Variants in ACSBG2 observed in about 807,000 individuals in gnomAD.
The protein encoded by ACSBG2 is long-chain-fatty-acid--CoA ligase ACSBG2.
A neutral mutation model predicts 74.7 loss-of-function variants in ACSBG2; 62 were observed. That is an observed-to-expected ratio of 0.83 (90% CI 0.68 to 1.03). The LOEUF (loss-of-function observed/expected upper bound fraction) is 1.03. Ranked by LOEUF, ACSBG2 falls within the 50% of genes least tolerant of loss-of-function variation. The pLI is 0.00. For missense variants in ACSBG2, 730 were observed against 817.6 expected, an observed-to-expected ratio of 0.89 and a Z score of 1.31; for synonymous variants, 309 against 294.1, an observed-to-expected ratio of 1.05 and a Z score of -0.52.
At chr19:6,161,030 G>A (rs1284049472) in intron 5 of ACSBG2, among the ~76,000 whole-genome samples, 185 bp from the exon 6 acceptor site, 1 of 151,996 alleles carries the variant, frequency 6.6e-6, no homozygotes, top group Non-Finnish European at 1.5e-5. Flanking sequence ...AACCCGGGAG[G>A]CGGAGGTTGC....
chr19:6,177,300 C>T lies in ACSBG2; in HGVS notation c.810C>T (p.Tyr270=). The T allele has an allele frequency of 6.2e-7, 1 of 1,613,984 alleles. No individual in the cohort carries two copies. The highest frequency in any genetic ancestry group is 8.5e-7 in the Non-Finnish European group (1 of 1,180,008). ...LTDKHETVVS[Y]LPLSHIAAQM... ...ACAAGCATGAGACGGTGGTTAGCTA[C>T]CTCCCACTCAGCCATATTGCAGCAC... is the stretch of plus-strand genomic sequence containing the variant. Residue 270 remains tyrosine, a synonymous_variant, in exon 8 of 15, where the codon TAC becomes TAT. Coordinates refer to ENST00000588485, the MANE Select transcript of ACSBG2 (RefSeq NM_030924.5).
At chr19:6,141,477 C>A in intron 1 of ACSBG2, 36 bp from the exon 2 acceptor site, 1 of 1,076,712 alleles carries the variant, frequency 9.3e-7, no homozygotes, top group Non-Finnish European at 1.4e-6. Context: ...GCCCCTTTGC[C>A]AATCCTGTTA....
At chr19:6,141,766 C>A (rs940228741) in intron 2 of ACSBG2, among the ~76,000 whole-genome samples, 156 bp downstream of exon 2, 1 of 151,004 alleles carries the variant, frequency 6.6e-6, no homozygotes, top group Admixed American at 6.6e-5. Context: ...CAGGGTCTTG[C>A]TCTGTCACCC....
intron 8 of ACSBG2, 84 bp downstream of exon 8, chr19:6,177,480 AT>A: frequency 2.8e-6 from 4 of 1,428,700 alleles, no homozygotes; most frequent in African/African-American, 1.5e-5. Flanking sequence ...CATTCGACAG[AT>A]TTTTTGGGTG....
chr19:6,177,220 AT>A lies in ACSBG2; in HGVS notation c.739-8del. 1 of 1,614,020 alleles carries A rather than the reference AT, an allele frequency of 6.2e-7. No homozygotes were observed. The highest frequency in any genetic ancestry group is 8.5e-7 in the Non-Finnish European group (1 of 1,179,990). On this transcript the variant is annotated splice_region_variant and splice_polypyrimidine_tract_variant and intron_variant, in intron 7 of 14. Coordinates refer to ENST00000588485, the MANE Select transcript of ACSBG2 (RefSeq NM_030924.5). ...GGTGAGGCACCTTGGATTGTCCCTTATGTTACAGATCACGTGGATTGCAGGA... is the reference window on the plus strand; with the variant it reads ...GGTGAGGCACCTTGGATTGTCCCTTAGTTACAGATCACGTGGATTGCAGGA...
chr19:6,144,852 C>T (rs1203317849), intron 2 of ACSBG2, among the ~76,000 whole-genome samples: 3 of 151,988 alleles, frequency 2.0e-5, no homozygotes, highest in South Asian at 2.1e-4. Context: ...CCTCCAACCA[C>T]GCCTGACTAA....
intron 13 of ACSBG2, among the ~76,000 whole-genome samples, 180 bp downstream of exon 13, chr19:6,188,025 C>T (rs1402852238): frequency 2.0e-5 from 3 of 152,144 alleles, no homozygotes; most frequent in Non-Finnish European, 4.4e-5. Context: ...AAATAAAATC[C>T]AACCTCCTTA....
intron 7 of ACSBG2, among the ~76,000 whole-genome samples, chr19:6,176,884 T>G (rs2090102199): frequency 6.6e-6 from 1 of 152,136 alleles, no homozygotes; most frequent in Non-Finnish European, 1.5e-5. Context: ...AGGCTGGGCA[T>G]GGTCGCTCAC....
chr19:6,145,886 T>C (rs993728783), intron 2 of ACSBG2, among the ~76,000 whole-genome samples: 2 of 152,120 alleles, frequency 1.3e-5, no homozygotes, highest in African/African-American at 4.8e-5. Flanking sequence ...GTGTCTGGCA[T>C]TGGGGGAGAG....
intron 5 of ACSBG2, among the ~76,000 whole-genome samples, chr19:6,159,989 G>T (rs966785239): frequency 6.6e-6 from 1 of 152,134 alleles, no homozygotes; most frequent in Non-Finnish European, 1.5e-5. Context: ...TGCCAGAGGC[G>T]TGGTTATGAT....
intron 1 of ACSBG2, chr19:6,137,203 C>T (rs1490274485): frequency 0.022 from 7 of 316 alleles, no homozygotes; most frequent in Non-Finnish European, 0.071. Flanking sequence ...GCCGAGGTGG[C>T]GGGGTTGGGG....
intron 2 of ACSBG2, among the ~76,000 whole-genome samples, chr19:6,145,126 C>T (rs866036771): frequency 3.3e-5 from 5 of 151,904 alleles, no homozygotes; most frequent in African/African-American, 4.8e-5. Context: ...CGGCCGGGCG[C>T]GGTGGCTCAT....
chr19:6,136,178 G>A (rs939821323), intron 1 of ACSBG2, among the ~76,000 whole-genome samples: 5 of 136,160 alleles, frequency 3.7e-5, no homozygotes, highest in Admixed American at 1.5e-4. Context: ...TGCAAGCTTC[G>A]CCTCCCAGGT....
At position 6,166,387 on chromosome 19, in the gene ACSBG2, G is replaced by C. The variant is rs1306699809; in HGVS notation, c.738+372G>C. Among the ~76,000 whole-genome samples the C allele has an allele frequency of 5.4e-5, 8 of 147,140 alleles. No individual in the cohort carries two copies. The Admixed American group carries it at 5.5e-4, about 10-fold the overall frequency. On this transcript the variant is annotated intron_variant, in intron 7 of 14. Transcript: ENST00000588485. ...GCTGGAGTGCAGTGGCGCAATCTTG[G>C]CTCACTGCAACCTCTGCCTCCGTTC...
intron 13 of ACSBG2, among the ~76,000 whole-genome samples, chr19:6,189,181 C>T (rs80058250): frequency 0.062 from 9,451 of 152,118 alleles, 835 homozygotes; most frequent in African/African-American, 0.2. Context: ...GGTTTCAGCC[C>T]TCCCTGACCA....
intron 4 of ACSBG2, among the ~76,000 whole-genome samples, chr19:6,153,614 C>T (rs777167231): frequency 6.6e-6 from 1 of 152,094 alleles, no homozygotes; most frequent in African/African-American, 2.4e-5. Context: ...GATGGGAAGA[C>T]TGCCTTAGCC....
chr19:6,166,280 T>TTGAGTG (rs2089801140), intron 7 of ACSBG2, among the ~76,000 whole-genome samples: 1 of 119,096 alleles, frequency 8.4e-6, no homozygotes, highest in Non-Finnish European at 1.7e-5. Context: ...GTCAGGAAGG[T>TTGAGTG]TGTGTGTGTG....
At position 6,147,589 on chromosome 19, in the gene ACSBG2, G is replaced by T. The variant is rs754295937; in HGVS notation, c.211G>T (p.Ala71Ser). 1 of 1,614,090 alleles carries T rather than the reference G, an allele frequency of 6.2e-7. No individual in the cohort carries two copies. The highest frequency in any genetic ancestry group is 8.5e-7 in the Non-Finnish European group (1 of 1,180,018). The change falls in exon 3 of 15, where the codon GCA becomes TCA. Residue 71 changes from alanine (A) to serine (S), a missense_variant. Coordinates refer to ENST00000588485, the MANE Select transcript of ACSBG2 (RefSeq NM_030924.5). ...CCGATTTGGAACTTATCCAGCCCTC[G>T]CATCCAAGAATGGCAAAAAGTGGGA... ...VNRFGTYPAL[A>S]SKNGKKWEIL...
chr19:6,164,123 C>T (rs1051769543), intron 6 of ACSBG2, among the ~76,000 whole-genome samples: 3 of 152,204 alleles, frequency 2.0e-5, no homozygotes, highest in Non-Finnish European at 4.4e-5. Flanking sequence ...AGGACCAACC[C>T]AGATCTCCAA....
Sources: gnomAD v4.1 joint callset for allele counts (sites outside exome capture counted in the v4.1 genomes callset) on GRCh38, gnomAD v4.1.1 for gene constraint, MANE v1.5 for transcripts, NCBI Gene and HGNC (gene_info 2026-07-23, HGNC 2026-07-21) for gene names.